Variants in PLA2R1 observed in about 807,000 individuals in gnomAD.
The protein encoded by PLA2R1 is secretory phospholipase A2 receptor.
Under a neutral mutation model 195.9 loss-of-function variants are expected in PLA2R1, and 158 were observed. The observed-to-expected ratio is 0.81, with a 90% CI of 0.71 to 0.92. The LOEUF (loss-of-function observed/expected upper bound fraction) is 0.92. PLA2R1 is among the 40% of genes least tolerant of loss of function. The probability of loss-of-function intolerance (pLI) is 0.00; values close to 1 mark genes in which losing one functional copy is unlikely to be tolerated. For missense variants in PLA2R1, 1,626 were observed against 1,764.6 expected, an observed-to-expected ratio of 0.92 and a Z score of 1.41; for synonymous variants, 586 against 598.2, an observed-to-expected ratio of 0.98 and a Z score of 0.30.
chr2:159,972,605 A>G (rs1574704964), intron 17 of PLA2R1, among the ~76,000 whole-genome samples: 1 of 152,330 alleles, frequency 6.6e-6, no homozygotes, highest in Non-Finnish European at 1.5e-5. Flanking sequence ...TTGGAGGAGG[A>G]CTAATAGATT....
At chr2:159,947,692 T>C (rs1444213925) in intron 25 of PLA2R1, 133 bp from the exon 26 acceptor site, 7 of 854,790 alleles carry the variant, frequency 8.2e-6, no homozygotes, top group South Asian at 4.7e-5. Flanking sequence ...CTCTGAAAGA[T>C]TGGGTTTCAT....
rs1228551777 is a variant in PLA2R1, at chr2:159,941,680, T to C, written c.*98A>G. On this transcript the variant is annotated 3_prime_UTR_variant, in exon 30 of 30. Transcript: ENST00000283243. ...AATTAAAATAGTGACCCAATTCACA[T>C]TCTAATGGCATCTGTGCTGTAAAGG... is the stretch of plus-strand genomic sequence containing the variant. 22 of 651,168 alleles carry C rather than the reference T, an allele frequency of 3.4e-5. No individual in the cohort carries two copies. The highest frequency in any genetic ancestry group is 5.4e-5 in the Non-Finnish European group (20 of 368,704). 40.3% of individuals were successfully genotyped at this position (651,168 alleles called of 1,614,324 possible). A position where few individuals can be genotyped will look rare whatever the true frequency, so the allele number is the denominator to read the frequency against.
downstream of PLA2R1, among the ~76,000 whole-genome samples, chr2:159,931,147 C>T (rs1321658747): frequency 6.6e-6 from 1 of 152,204 alleles, no homozygotes; most frequent in African/African-American, 2.4e-5. Flanking sequence ...CCCATGGGTT[C>T]CCTCATACGC....
At chr2:160,015,506 A>C (rs1437143078) in intron 9 of PLA2R1, among the ~76,000 whole-genome samples, 1 of 152,236 alleles carries the variant, frequency 6.6e-6, no homozygotes, top group Non-Finnish European at 1.5e-5. Flanking sequence ...CAAAAGTTTG[A>C]ATAGAACATC....
At chr2:160,037,789 T>G (rs766656785) in intron 3 of PLA2R1, among the ~76,000 whole-genome samples, 2 of 152,166 alleles carry the variant, frequency 1.3e-5, no homozygotes, top group African/African-American at 2.4e-5. Flanking sequence ...AAATACAACT[T>G]CCTCAGGAAA....
chr2:160,046,479 C>G (rs965229478), intron 1 of PLA2R1, among the ~76,000 whole-genome samples: 1 of 152,136 alleles, frequency 6.6e-6, no homozygotes, highest in African/African-American at 2.4e-5. Context: ...CCTCATGGAT[C>G]CACGAGGGAA....
At chr2:159,993,855 C>T (rs1260201588) in intron 11 of PLA2R1, among the ~76,000 whole-genome samples, 2 of 152,016 alleles carry the variant, frequency 1.3e-5, no homozygotes, top group African/African-American at 2.4e-5. Context: ...TAATGGGTCA[C>T]AGATGAAGGA....
At chr2:159,925,730 C>G in the PLA2R1 span, among the ~76,000 whole-genome samples, 1 of 152,130 alleles carries the variant, frequency 6.6e-6, no homozygotes, top group Non-Finnish European at 1.5e-5. Context: ...AAATTCCTGA[C>G]CCTTTCTGGT....
At chr2:159,983,432 A>T (rs554418855) in intron 13 of PLA2R1, among the ~76,000 whole-genome samples, 13 of 149,088 alleles carry the variant, frequency 8.7e-5, no homozygotes, top group Non-Finnish European at 8.9e-5. Context: ...GGTTGGAATT[A>T]AAAAAAAAAT....
intron 3 of PLA2R1, among the ~76,000 whole-genome samples, chr2:160,035,877 A>G (rs1264605723): frequency 2.6e-5 from 4 of 152,208 alleles, no homozygotes; most frequent in African/African-American, 9.6e-5. Context: ...TGCCAAATTC[A>G]GCAACTGTTA....
intron 3 of PLA2R1, among the ~76,000 whole-genome samples, chr2:160,040,307 CA>C (rs139283802): frequency 0.018 from 2,666 of 152,226 alleles, 94 homozygotes; most frequent in African/African-American, 0.061. Context: ...CCCACCCCCA[CA>C]TTGTAGCAGC....
At chr2:160,009,740 T>A (rs1026906512) in intron 10 of PLA2R1, among the ~76,000 whole-genome samples, 1 of 152,130 alleles carries the variant, frequency 6.6e-6, no homozygotes, top group Non-Finnish European at 1.5e-5. Flanking sequence ...AAATATTAAC[T>A]GCAAAAGTGT....
chr2:159,926,242 A>G, the PLA2R1 span, among the ~76,000 whole-genome samples: 92 of 152,354 alleles, frequency 6.0e-4, no homozygotes, highest in African/African-American at 2.1e-3. Flanking sequence ...ATCAAATTCA[A>G]GAGATTTAAT....
intron 9 of PLA2R1, among the ~76,000 whole-genome samples, chr2:160,014,476 C>T (rs939577614): frequency 5.3e-5 from 8 of 152,024 alleles, no homozygotes; most frequent in African/African-American, 1.9e-4. Flanking sequence ...ATTCATTAGT[C>T]CTCTATATTT....
Position 160,013,282 on chromosome 2 carries a change from G to C in PLA2R1, c.1645C>G (p.Leu549Val). 2 of 1,596,420 alleles carry C rather than the reference G, an allele frequency of 1.3e-6. No individual in the cohort carries two copies. The highest frequency in any genetic ancestry group is 1.7e-6 in the Non-Finnish European group (2 of 1,164,332). ...ATTTACCTGTTTGTAATGGTTACAA[G>C]TGCAGGAGGACAGTAATAACCGCTG... is the stretch of plus-strand genomic sequence containing the variant. ...ASSGYYCPPA[L>V]VTITNRFEQA... is the part of the protein sequence containing the mutation. The change falls in exon 10 of 30, where the codon CTT (leucine) becomes GTT (valine). Residue 549 changes from leucine to valine, a missense_variant. Leu to Val is a conservative substitution (Grantham distance 32, BLOSUM62 1). Coordinates refer to ENST00000283243, the MANE Select transcript of PLA2R1 (RefSeq NM_007366.5).
At chr2:160,015,691 T>G (rs1692689397) in intron 9 of PLA2R1, among the ~76,000 whole-genome samples, 1 of 152,214 alleles carries the variant, frequency 6.6e-6, no homozygotes, top group South Asian at 2.1e-4. Flanking sequence ...ATTCAGAGAT[T>G]ATAATCATTA....
At chr2:159,958,868 GA>G (rs1688266560) in intron 20 of PLA2R1, among the ~76,000 whole-genome samples, 1 of 152,154 alleles carries the variant, frequency 6.6e-6, no homozygotes, top group Admixed American at 6.6e-5. Context: ...AGAATTATCT[GA>G]CCCCAAATGT....
chr2:159,991,089 AGAGT>A (rs2105336037), intron 11 of PLA2R1, among the ~76,000 whole-genome samples: 1 of 152,336 alleles, frequency 6.6e-6, no homozygotes, highest in East Asian at 1.9e-4. Context: ...ATCAAGGTAC[AGAGT>A]GAGTGGGTGG....
At chr2:159,924,797 C>T in the PLA2R1 span, among the ~76,000 whole-genome samples, 2 of 151,680 alleles carry the variant, frequency 1.3e-5, no homozygotes, top group African/African-American at 4.8e-5. Flanking sequence ...GATTTGGGGT[C>T]GTGTTCTTTT....
Sources: allele counts gnomAD v4.1 joint callset (sites outside exome capture counted in the v4.1 genomes callset), GRCh38; gene constraint gnomAD v4.1.1; transcripts MANE v1.5; gene names NCBI Gene and HGNC (gene_info 2026-07-23, HGNC 2026-07-21).